The following ABL2 variants were observed in gnomAD, a reference collection of about 807,000 sequenced individuals.
The protein encoded by ABL2 is tyrosine-protein kinase ABL2.
Under a neutral mutation model 107.7 loss-of-function variants are expected in ABL2, and 49 were observed. The ratio of observed to expected loss-of-function variants is 0.45; its 90% CI spans 0.36 to 0.58. The LOEUF (loss-of-function observed/expected upper bound fraction) is 0.58, where lower values mean the gene tolerates loss of function less well. Among genes scored for constraint, ABL2 ranks in the 20% least tolerant of loss-of-function variants. ABL2 has a pLI of 0.00. For synonymous variants in ABL2, 549 were observed against 548.6 expected (o/e 1.00, Z -0.01); for missense variants, 1,245 against 1,457.0 (o/e 0.85, Z 2.37).
intron 1 of ABL2, among the ~76,000 whole-genome samples, chr1:179,138,875 C>T (rs1024227299): frequency 6.6e-6 from 1 of 152,254 alleles, no homozygotes; most frequent in African/African-American, 2.4e-5. Flanking sequence ...CTGCCTGCCG[C>T]GCTTGCGGGC....
chr1:179,169,906 A>T (rs1327721634), intron 1 of ABL2, among the ~76,000 whole-genome samples: 1 of 151,394 alleles, frequency 6.6e-6, no homozygotes, highest in East Asian at 2.0e-4. Context: ...ACATGTGCCT[A>T]TAGTCCCAGC....
chr1:179,182,442 A>T (rs973697184), intron 1 of ABL2, among the ~76,000 whole-genome samples: 1 of 151,914 alleles, frequency 6.6e-6, no homozygotes, highest in Non-Finnish European at 1.5e-5. Flanking sequence ...CTCTTTTCAA[A>T]CTCCTAATAG....
intron 1 of ABL2, among the ~76,000 whole-genome samples, chr1:179,162,203 A>G (rs1294685855): frequency 1.3e-5 from 2 of 152,248 alleles, no homozygotes; most frequent in Non-Finnish European, 2.9e-5. Flanking sequence ...CCATAGTCAA[A>G]TAAGATTGGA....
intron 1 of ABL2, chr1:179,143,032 TCCCAAGGA>T: frequency 4.3e-6 from 7 of 1,614,134 alleles, no homozygotes; most frequent in Non-Finnish European, 5.9e-6. Flanking sequence ...AGGAGAACTG[TCCCAAGGA>T]CCATACCTCT....
intron 1 of ABL2, among the ~76,000 whole-genome samples, chr1:179,224,134 C>CAAAAAAAAAAA (rs1181284107): frequency 1.7e-4 from 6 of 34,504 alleles, no homozygotes; most frequent in Admixed American, 4.7e-4. Flanking sequence ...CTACTCACTA[C>CAAAAAAAAAAA]AAAAAAAAAA....
intron 1 of ABL2, among the ~76,000 whole-genome samples, chr1:179,206,140 A>G (rs746391735): frequency 6.6e-6 from 1 of 152,214 alleles, no homozygotes; most frequent in Non-Finnish European, 1.5e-5. Flanking sequence ...CTTAACTACC[A>G]TTATACATTA....
intron 1 of ABL2, among the ~76,000 whole-genome samples, chr1:179,191,403 T>C (rs1661000610): frequency 6.7e-6 from 1 of 149,534 alleles, no homozygotes; most frequent in South Asian, 2.1e-4. Context: ...AATCTTTCTG[T>C]ATGAAATCCC....
intron 1 of ABL2, among the ~76,000 whole-genome samples, chr1:179,175,760 G>T (rs1161512319): frequency 1.3e-5 from 2 of 151,980 alleles, no homozygotes; most frequent in Non-Finnish European, 2.9e-5. Flanking sequence ...CCTAGGCAGT[G>T]AGACTAAAGG....
At chr1:179,134,727 TCCC>T (rs1656679246) in intron 1 of ABL2, among the ~76,000 whole-genome samples, 1 of 151,736 alleles carries the variant, frequency 6.6e-6, no homozygotes, top group African/African-American at 2.4e-5. Context: ...CCTCTCCCTC[TCCC>T]TCTCCACGGT....
At chr1:179,194,065 ACT>A (rs1259739690) in intron 1 of ABL2, among the ~76,000 whole-genome samples, 13 of 152,018 alleles carry the variant, frequency 8.6e-5, no homozygotes, top group East Asian at 5.8e-4. Context: ...TACTAATCAA[ACT>A]CTGTCATAAT....
chr1:179,187,111 GTC>G (rs1660720121), intron 1 of ABL2, among the ~76,000 whole-genome samples: 1 of 151,996 alleles, frequency 6.6e-6, no homozygotes, highest in African/African-American at 2.4e-5. Context: ...TAGTCTCTTT[GTC>G]TCTCTTATAT....
rs893342933 is a variant in ABL2 at position 179,199,189 on chromosome 1, T to A, written c.157+30052A>T. Among the ~76,000 whole-genome samples the A allele has an allele frequency of 2.6e-5, 4 of 152,136 alleles. No homozygotes were observed. In the East Asian group the frequency reaches 5.8e-4, roughly 22 times the overall value. Reference sequence around the variant, plus strand: ...AAGCATTTGTGATGAGGGAATGAGGTTGGATGTGTTTAAATCAGTTATTGA... The same window carrying A: ...AAGCATTTGTGATGAGGGAATGAGGATGGATGTGTTTAAATCAGTTATTGA... On this transcript the variant is annotated intron_variant, in intron 1 of 11. Coordinates refer to ENST00000502732, the MANE Select transcript of ABL2 (RefSeq NM_007314.4).
intron 1 of ABL2, 39 bp from the exon 2 acceptor site, chr1:179,133,413 G>A (rs772050899): frequency 6.2e-7 from 1 of 1,613,876 alleles, no homozygotes; most frequent in South Asian, 1.1e-5. Context: ...CTTTTCTTAA[G>A]CTTCTTCAAT....
chr1:179,119,265 G>C (rs568205800), intron 6 of ABL2, among the ~76,000 whole-genome samples: 1 of 152,204 alleles, frequency 6.6e-6, no homozygotes, highest in East Asian at 1.9e-4. Flanking sequence ...CAAGAGGCCG[G>C]GTGCAGTGGC....
chr1:179,211,945 AT>A (rs1662300262), intron 1 of ABL2, among the ~76,000 whole-genome samples: 1 of 152,168 alleles, frequency 6.6e-6, no homozygotes, highest in African/African-American at 2.4e-5. Flanking sequence ...CTCTCTCCTT[AT>A]GTATTTGTCC....
intron 8 of ABL2, among the ~76,000 whole-genome samples, chr1:179,116,172 G>A (rs1025812747): frequency 1.3e-5 from 2 of 152,192 alleles, no homozygotes; most frequent in African/African-American, 4.8e-5. Flanking sequence ...TCAGGAGTTC[G>A]AGACCAGCCT....
chr1:179,211,133 T>C (rs1054807640), intron 1 of ABL2, among the ~76,000 whole-genome samples: 3 of 152,126 alleles, frequency 2.0e-5, no homozygotes, highest in African/African-American at 7.2e-5. Flanking sequence ...TTTTTCCAAA[T>C]ATCAGGGTCA....
chr1:179,189,688 T>A (rs949760486), intron 1 of ABL2, among the ~76,000 whole-genome samples: 2 of 152,114 alleles, frequency 1.3e-5, no homozygotes, highest in African/African-American at 4.8e-5. Flanking sequence ...CTCAACACAA[T>A]ATTTCTAACA....
intron 1 of ABL2, among the ~76,000 whole-genome samples, chr1:179,190,844 CATA>C (rs1660969158): frequency 6.6e-6 from 1 of 152,162 alleles, no homozygotes; most frequent in Non-Finnish European, 1.5e-5. Context: ...CACAATATCA[CATA>C]ATGTTTCATT....
Sources: gnomAD v4.1 joint callset for allele counts (sites outside exome capture counted in the v4.1 genomes callset) on GRCh38, gnomAD v4.1.1 for gene constraint, MANE v1.5 for transcripts, NCBI Gene and HGNC (gene_info 2026-07-23, HGNC 2026-07-21) for gene names.